Variants in RBFOX2 observed in about 807,000 individuals in gnomAD.
RBFOX2 encodes RNA binding fox-1 homolog 2, also known as RNA binding protein fox-1 homolog 2.
Under a neutral mutation model 49.1 loss-of-function variants are expected in RBFOX2, and 10 were observed. That is an observed-to-expected ratio of 0.20 (90% CI 0.13 to 0.35). The LOEUF (loss-of-function observed/expected upper bound fraction) is 0.35, where lower values mean the gene tolerates loss of function less well. Ranked by LOEUF, RBFOX2 falls within the 10% of genes least tolerant of loss-of-function variation. The probability of loss-of-function intolerance (pLI) is 1.00; values close to 1 mark genes in which losing one functional copy is unlikely to be tolerated. For synonymous variants in RBFOX2, 183 were observed against 187.4 expected (o/e 0.98, Z 0.19); for missense variants, 323 against 486.9 (o/e 0.66, Z 3.17).
chr22:35,766,853 G>A (rs1314904190), intron 5 of RBFOX2, among the ~76,000 whole-genome samples: 1 of 152,178 alleles, frequency 6.6e-6, no homozygotes, highest in African/African-American at 2.4e-5. Context: ...GTCAGCAAAA[G>A]AGACCAACAG....
chr22:35,874,369 G>C (rs971342789), intron 1 of RBFOX2, among the ~76,000 whole-genome samples: 1 of 152,072 alleles, frequency 6.6e-6, no homozygotes, highest in African/African-American at 2.4e-5. Context: ...AACTTTTAAA[G>C]AGCTAATAAA....
chr22:36,014,149 T>A (rs1425200352), intron 1 of RBFOX2, among the ~76,000 whole-genome samples: 1 of 149,938 alleles, frequency 6.7e-6, no homozygotes, highest in East Asian at 2.0e-4. Flanking sequence ...TGAGACAGAG[T>A]CTCACTCTGT....
Position 35,903,165 on chromosome 22 carries a change from T to A in RBFOX2, c.-34+35682A>T, listed in dbSNP as rs529995737. On this transcript the variant is annotated intron_variant, in intron 1 of 13. Coordinates refer to the RBFOX2 transcript ENST00000359369. ...TATCTTGAAAAAGTTGTTGTCTATA[T>A]CTGTCTCAATTTCTTCACTTCTCAT... Among the ~76,000 whole-genome samples, 3 of 152,202 alleles carry A rather than the reference T, an allele frequency of 2.0e-5. No individual in the cohort carries two copies. In the South Asian group the frequency reaches 6.2e-4, roughly 32 times the overall value.
upstream of RBFOX2, among the ~76,000 whole-genome samples, chr22:35,940,251 G>A (rs1325838395): frequency 2.0e-5 from 3 of 152,126 alleles, no homozygotes; most frequent in African/African-American, 7.2e-5. Context: ...CCAAAAGAAT[G>A]TGTAATAAAT....
chr22:35,890,602 A>C (rs999244594), intron 1 of RBFOX2, among the ~76,000 whole-genome samples: 4 of 152,158 alleles, frequency 2.6e-5, no homozygotes, highest in African/African-American at 7.2e-5. Flanking sequence ...GAACAAATAC[A>C]AGACGAGGCT....
chr22:35,950,109 A>ATTTT (rs146393323), intron 1 of RBFOX2, among the ~76,000 whole-genome samples: 2 of 107,992 alleles, frequency 1.9e-5, no homozygotes, highest in African/African-American at 3.3e-5. Context: ...GTCCAACTTC[A>ATTTT]TTTTTTTTTT....
rs936725248 is a variant in RBFOX2, at chr22:36,027,019, T to C, written c.186+1221A>G. On this transcript the variant is annotated intron_variant, in intron 1 of 13. Transcript: ENST00000438146. Reference sequence around the variant, plus strand: ...AATTAGAAGACCAGGCTTCTAGTTCTAGTTTTACTATTAGCTAACTGGGTG... The same window carrying C: ...AATTAGAAGACCAGGCTTCTAGTTCCAGTTTTACTATTAGCTAACTGGGTG... Among the ~76,000 whole-genome samples, 22 of 152,210 alleles carry C rather than the reference T, an allele frequency of 1.4e-4. No homozygotes were observed. The South Asian group carries it at 2.1e-3, about 14-fold the overall frequency.
At chr22:35,813,089 ATT>A (rs35096702) in intron 1 of RBFOX2, among the ~76,000 whole-genome samples, 1 of 152,196 alleles carries the variant, frequency 6.6e-6, no homozygotes, top group African/African-American at 2.4e-5. Flanking sequence ...TTAGTGGATT[ATT>A]TTGTTACTTA....
intron 1 of RBFOX2, among the ~76,000 whole-genome samples, chr22:36,008,042 T>G (rs2058683080): frequency 6.6e-6 from 1 of 152,180 alleles, no homozygotes; most frequent in African/African-American, 2.4e-5. Context: ...TTCCTGGAAG[T>G]GGAACTGTTG....
At chr22:35,998,243 C>T (rs2058270628) in intron 1 of RBFOX2, 1 of 152,148 alleles carries the variant, frequency 6.6e-6, no homozygotes. Context: ...ACACCATCAA[C>T]TTACCTTATT....
At chr22:35,822,023 G>C in intron 1 of RBFOX2, 2 of 509,014 alleles carry the variant, frequency 3.9e-6, no homozygotes, top group South Asian at 2.9e-5. Flanking sequence ...AATCAGCAAG[G>C]CCTATTACAA....
Position 35,898,176 on chromosome 22 carries a change from C to A in RBFOX2, c.-34+40671G>T. On this transcript the variant is annotated intron_variant, in intron 1 of 13. Coordinates refer to the RBFOX2 transcript ENST00000359369. The stretch of plus-strand genomic sequence containing the variant: ...GATAGGGTATGATCACCTGTGACCC[C>A]ACGCGTCCAAGGTGGTTGACAACAC... The A allele has an allele frequency of 8.0e-6, 6 of 749,350 alleles. No individual in the cohort carries two copies. The South Asian group carries it at 8.2e-5, about 10-fold the overall frequency. The allele number at this position is 749,350 out of a possible 1,614,324, so 46.4% of individuals were successfully genotyped here. A position where few individuals can be genotyped will look rare whatever the true frequency, so the allele number is the denominator to read the frequency against.
chr22:35,868,794 G>A (rs1050687446), intron 1 of RBFOX2, among the ~76,000 whole-genome samples: 5 of 152,138 alleles, frequency 3.3e-5, no homozygotes, highest in Admixed American at 2.6e-4. Context: ...AAAGATGTTC[G>A]AGACTCAAAA....
At chr22:35,978,621 G>C (rs753598062) in intron 1 of RBFOX2, among the ~76,000 whole-genome samples, 1 of 152,168 alleles carries the variant, frequency 6.6e-6, no homozygotes, top group East Asian at 1.9e-4. Context: ...GAATGATGGG[G>C]ACAGGTCAAA....
chr22:35,809,511 C>T (rs569212642), intron 2 of RBFOX2, among the ~76,000 whole-genome samples: 2 of 152,142 alleles, frequency 1.3e-5, no homozygotes, highest in African/African-American at 2.4e-5. Context: ...ATATGGAGTA[C>T]TGCACCATTT....
chr22:35,907,285 G>A (rs553588951), intron 1 of RBFOX2, among the ~76,000 whole-genome samples: 4 of 152,264 alleles, frequency 2.6e-5, no homozygotes, highest in African/African-American at 4.8e-5. Flanking sequence ...GACTAATTCC[G>A]ACTAATGAGA....
chr22:36,011,235 T>G (rs928695100), intron 1 of RBFOX2, among the ~76,000 whole-genome samples: 1 of 152,130 alleles, frequency 6.6e-6, no homozygotes. Flanking sequence ...CTGGGGCACA[T>G]GGAGAGACGA....
chr22:35,806,890 C>T (rs1261563671), intron 2 of RBFOX2, among the ~76,000 whole-genome samples: 4 of 152,082 alleles, frequency 2.6e-5, no homozygotes, highest in South Asian at 2.1e-4. Context: ...CTGCAACCTC[C>T]GCCTCCCCAG....
rs569863480 is a variant in RBFOX2 at position 35,859,633 on chromosome 22, A to G, written c.-33-49629T>C. ...TGATATGCATTTCTGTTTTGGAATGAGAGACATGGCATACAAACTGTGAGG... is the reference window on the plus strand; with the variant it reads ...TGATATGCATTTCTGTTTTGGAATGGGAGACATGGCATACAAACTGTGAGG... On this transcript the variant is annotated intron_variant, in intron 1 of 13. Coordinates refer to the RBFOX2 transcript ENST00000359369. Among the ~76,000 whole-genome samples the G allele has an allele frequency of 2.6e-5, 4 of 152,374 alleles. No individual in the cohort carries two copies. In the East Asian group the frequency reaches 7.7e-4, roughly 29 times the overall value.
Sources: allele counts gnomAD v4.1 joint callset (sites outside exome capture counted in the v4.1 genomes callset), GRCh38; gene constraint gnomAD v4.1.1; transcripts MANE v1.5; gene names NCBI Gene and HGNC (gene_info 2026-07-23, HGNC 2026-07-21).